CCDC192: variants seen among roughly 807,000 people sequenced by gnomAD.
CCDC192 encodes the protein coiled-coil domain-containing protein 192.
At chr5:127,738,462 A>T (rs1753169946) in intron 2 of CCDC192, among the ~76,000 whole-genome samples, 1 of 143,412 alleles carries the variant, frequency 7.0e-6, no homozygotes, top group African/African-American at 2.6e-5. Context: ...TATTTCCTGA[A>T]TCTGAATGTT....
At chr5:127,933,452 C>A (rs1179713455) in intron 6 of CCDC192, among the ~76,000 whole-genome samples, 5 of 152,156 alleles carry the variant, frequency 3.3e-5, no homozygotes, top group Non-Finnish European at 5.9e-5. Context: ...TCAGACTGAG[C>A]ATAAGAAGTA....
At chr5:127,744,946 G>C (rs1011896763) in intron 2 of CCDC192, among the ~76,000 whole-genome samples, 2 of 152,176 alleles carry the variant, frequency 1.3e-5, no homozygotes, top group Non-Finnish European at 2.9e-5. Context: ...GGCAAGCAGA[G>C]CTTCTCTGTG....
At chr5:127,896,310 A>C (rs1039888063) in intron 6 of CCDC192, among the ~76,000 whole-genome samples, 37 of 152,272 alleles carry the variant, frequency 2.4e-4, no homozygotes, top group African/African-American at 8.9e-4. Context: ...AACAATTAAA[A>C]GTCACTTTCA....
chr5:127,895,579 C>T (rs1317533599), intron 6 of CCDC192, among the ~76,000 whole-genome samples: 1 of 152,192 alleles, frequency 6.6e-6, no homozygotes, highest in Non-Finnish European at 1.5e-5. Flanking sequence ...GTAACTCACT[C>T]CTGTAATCCC....
chr5:127,756,057 C>T (rs975176989), intron 3 of CCDC192, among the ~76,000 whole-genome samples: 20 of 151,778 alleles, frequency 1.3e-4, no homozygotes, highest in African/African-American at 4.1e-4. Context: ...GGCGTGAACC[C>T]GGGAGGCGGA....
intron 2 of CCDC192, among the ~76,000 whole-genome samples, chr5:127,720,958 T>C (rs1561446266): frequency 6.6e-6 from 1 of 152,186 alleles, no homozygotes; most frequent in Non-Finnish European, 1.5e-5. Context: ...ACAAAACCAT[T>C]CTTTCTTCCT....
At position 127,904,518 on chromosome 5, in the gene CCDC192, T is replaced by C. The variant is rs966713576; in HGVS notation, c.535+28857T>C. Among the ~76,000 whole-genome samples, 31 of 129,648 alleles carry C rather than the reference T, an allele frequency of 2.4e-4. No homozygotes were observed. The South Asian group carries it at 3.0e-3, about 13-fold the overall frequency. 85.1% of individuals were successfully genotyped at this position (129,648 alleles called of 152,430 possible). On this transcript the variant is annotated intron_variant, in intron 6 of 6. Transcript: ENST00000514853. ...GACTTTTTTTTTTTTTTTTTTTTTT[T>C]CTGAGACTGAGTCTCCCTCTGTTGC...
chr5:127,780,735 A>G (rs758968164), intron 3 of CCDC192, among the ~76,000 whole-genome samples: 1 of 152,044 alleles, frequency 6.6e-6, no homozygotes, highest in African/African-American at 2.4e-5. Context: ...CCTTTGTCAG[A>G]TGTATAGATT....
chr5:127,851,451 A>G lies in CCDC192; in HGVS notation c.412-24087A>G, dbSNP rs6883514. ...CCATGTCTTTCTTGTTTTTTTGGTT[A>G]TTGCTGTTGTTGTTTTGTTTTTTTG... On this transcript the variant is annotated intron_variant, in intron 5 of 6. Transcript: ENST00000514853. Among the ~76,000 whole-genome samples the G allele has an allele frequency of 2.4e-3, 364 of 151,644 alleles. 1 individual carries two copies. The highest frequency in any genetic ancestry group is 8.1e-3 in the African/African-American group (334 of 41,376).
intron 2 of CCDC192, among the ~76,000 whole-genome samples, chr5:127,732,423 A>T (rs1001389578): frequency 2.6e-5 from 4 of 152,216 alleles, no homozygotes; most frequent in African/African-American, 9.6e-5. Flanking sequence ...ACCATTGTGG[A>T]AGACAGTGTG....
intron 6 of CCDC192, among the ~76,000 whole-genome samples, chr5:127,904,431 T>C (rs995392537): frequency 3.3e-5 from 5 of 152,022 alleles, no homozygotes; most frequent in Admixed American, 2.0e-4. Flanking sequence ...CCTAAATTCT[T>C]AGCACATGGT....
chr5:127,852,682 A>G (rs1020159158), intron 5 of CCDC192, among the ~76,000 whole-genome samples: 9 of 152,210 alleles, frequency 5.9e-5, no homozygotes, highest in Non-Finnish European at 1.3e-4. Context: ...ACACTTTGTA[A>G]GCTACTAAAG....
At chr5:127,777,394 C>G (rs1755930851) in intron 3 of CCDC192, among the ~76,000 whole-genome samples, 2 of 152,110 alleles carry the variant, frequency 1.3e-5, no homozygotes. Context: ...GCTTGTACAC[C>G]CCTTGTATCT....
intron 2 of CCDC192, among the ~76,000 whole-genome samples, chr5:127,728,275 T>A (rs1086478): frequency 0.78 from 118,051 of 151,980 alleles, 45,956 homozygotes; most frequent in East Asian, 0.89. Context: ...AAGGAAAAAA[T>A]TGTTAAGGGC....
intron 6 of CCDC192, among the ~76,000 whole-genome samples, chr5:127,883,493 T>C (rs1752434210): frequency 6.6e-6 from 1 of 152,242 alleles, no homozygotes; most frequent in Admixed American, 6.5e-5. Flanking sequence ...AAAAAATCTA[T>C]AGGTCTCATT....
chr5:127,912,309 C>G (rs1753391212), intron 6 of CCDC192, among the ~76,000 whole-genome samples: 1 of 151,302 alleles, frequency 6.6e-6, no homozygotes, highest in South Asian at 2.1e-4. Flanking sequence ...GGCTATTTTT[C>G]CAGTAGCCTC....
At position 127,776,849 on chromosome 5, in the gene CCDC192, G is replaced by C. The variant is rs147501448; in HGVS notation, c.223-20254G>C. Among the ~76,000 whole-genome samples, 481 of 152,330 alleles carry C rather than the reference G, an allele frequency of 3.2e-3. 2 individuals carry two copies. The highest frequency in any genetic ancestry group is 0.011 in the African/African-American group (463 of 41,586). Reference sequence around the variant, plus strand: ...CTTCCACATGGTGTTGAGCCTGCGCGTGCAGAGAAGTCAAGAATTGAGGTT... The same window carrying C: ...CTTCCACATGGTGTTGAGCCTGCGCCTGCAGAGAAGTCAAGAATTGAGGTT... On this transcript the variant is annotated intron_variant, in intron 3 of 6. Coordinates refer to ENST00000514853, the MANE Select transcript of CCDC192 (RefSeq NM_001317938.2).
intron 6 of CCDC192, among the ~76,000 whole-genome samples, chr5:127,891,362 C>T (rs1752726587): frequency 6.6e-6 from 1 of 152,156 alleles, no homozygotes. Context: ...CCGAAAATGA[C>T]CTTACTTATG....
intron 2 of CCDC192, among the ~76,000 whole-genome samples, chr5:127,731,690 A>G (rs1371078491): frequency 6.6e-6 from 1 of 152,188 alleles, no homozygotes. Context: ...GGAACAGAAT[A>G]GAGAACCCAG....
Sources: gnomAD v4.1 joint callset for allele counts (sites outside exome capture counted in the v4.1 genomes callset) on GRCh38, gnomAD v4.1.1 for gene constraint, MANE v1.5 for transcripts, NCBI Gene and HGNC (gene_info 2026-07-23, HGNC 2026-07-21) for gene names.